DRC11: variants seen among roughly 807,000 people sequenced by gnomAD.
DRC11 encodes dynein regulatory complex subunit 11.
chr2:236,489,883 C>T, the DRC11 span, among the ~76,000 whole-genome samples: 3 of 152,296 alleles, frequency 2.0e-5, no homozygotes, highest in African/African-American at 7.2e-5. Flanking sequence ...TATGATCATG[C>T]CACTGCATTG....
the DRC11 span, chr2:236,392,238 C>G: frequency 6.4e-7 from 1 of 1,556,214 alleles, no homozygotes; most frequent in Non-Finnish European, 8.8e-7. The surrounding 1 kb of genome is among the most constrained non-coding windows in gnomAD (Gnocchi z 5.1). Flanking sequence ...ATAAACGTAG[C>G]TGTACCTGTA....
chr2:236,342,779 G>C, the DRC11 span, among the ~76,000 whole-genome samples: 7 of 152,178 alleles, frequency 4.6e-5, no homozygotes, highest in African/African-American at 1.7e-4. The surrounding 1 kb of genome is among the most constrained non-coding windows in gnomAD (Gnocchi z 5.8). Flanking sequence ...GTCTGGGGTG[G>C]CTCAGGTCCC....
chr2:236,491,171 A>ATATACAG, the DRC11 span, among the ~76,000 whole-genome samples: 8 of 80,038 alleles, frequency 1.0e-4, no homozygotes, highest in South Asian at 3.3e-4. Flanking sequence ...ATATATATAT[A>ATATACAG]TATATATATA....
chr2:236,459,651 ATG>A, the DRC11 span, among the ~76,000 whole-genome samples: 2 of 133,492 alleles, frequency 1.5e-5, no homozygotes, highest in Admixed American at 7.4e-5. Context: ...ATACGTATAT[ATG>A]TATATACATA....
the DRC11 span, among the ~76,000 whole-genome samples, chr2:236,319,221 A>G: frequency 6.6e-6 from 1 of 152,220 alleles, no homozygotes; most frequent in African/African-American, 2.4e-5. This position sits in a 1 kb window ranked among gnomAD's most constrained non-coding sequence, Gnocchi z 6.7. Flanking sequence ...CTCAGCAGTA[A>G]TTGAACAGCA....
chr2:236,503,074 T>C, the DRC11 span, among the ~76,000 whole-genome samples: 1 of 151,908 alleles, frequency 6.6e-6, no homozygotes, highest in Non-Finnish European at 1.5e-5. This position sits in a 1 kb window ranked among gnomAD's most constrained non-coding sequence, Gnocchi z 4.9. Flanking sequence ...AGTAATAACT[T>C]TTAAATATGG....
the DRC11 span, among the ~76,000 whole-genome samples, chr2:236,322,621 C>T: frequency 3.3e-5 from 5 of 152,086 alleles, no homozygotes; most frequent in Admixed American, 3.3e-4. Flanking sequence ...GGAAGCCATC[C>T]TTTGGGAAAA....
chr2:236,316,175 C>CTCTG, the DRC11 span, among the ~76,000 whole-genome samples: 1 of 147,536 alleles, frequency 6.8e-6, no homozygotes, highest in Non-Finnish European at 1.5e-5. This position sits in a 1 kb window ranked among gnomAD's most constrained non-coding sequence, Gnocchi z 6.8. Context: ...CTCTCTCTCT[C>CTCTG]TTTTTGAGAT....
At chr2:236,349,685 G>C in the DRC11 span, among the ~76,000 whole-genome samples, 1 of 152,206 alleles carries the variant, frequency 6.6e-6, no homozygotes, top group Non-Finnish European at 1.5e-5. The surrounding 1 kb of genome is among the most constrained non-coding windows in gnomAD (Gnocchi z 5.5). Flanking sequence ...AGAATGCATG[G>C]ACACGAAGAA....
chr2:236,415,675 T>C, the DRC11 span, among the ~76,000 whole-genome samples: 1 of 152,230 alleles, frequency 6.6e-6, no homozygotes, highest in Non-Finnish European at 1.5e-5. This position sits in a 1 kb window ranked among gnomAD's most constrained non-coding sequence, Gnocchi z 5.7. Context: ...TCATAAATGC[T>C]GATGTTCTTA....
the DRC11 span, among the ~76,000 whole-genome samples, chr2:236,384,807 G>A: frequency 6.6e-6 from 1 of 151,814 alleles, no homozygotes; most frequent in Non-Finnish European, 1.5e-5. Context: ...TAACGTTTAA[G>A]TCTTTAATCC....
the DRC11 span, among the ~76,000 whole-genome samples, chr2:236,436,333 T>C: frequency 2.6e-4 from 39 of 152,318 alleles, no homozygotes; most frequent in African/African-American, 8.7e-4. Flanking sequence ...TGTGATTTTT[T>C]TTGGCCATTT....
chr2:236,358,515 G>A, the DRC11 span, among the ~76,000 whole-genome samples: 1 of 144,690 alleles, frequency 6.9e-6, no homozygotes, highest in Non-Finnish European at 1.5e-5. Context: ...TTTCACAGGT[G>A]AAAGAAGTTA....
At chr2:236,342,952 C>T in the DRC11 span, among the ~76,000 whole-genome samples, 1 of 152,156 alleles carries the variant, frequency 6.6e-6, no homozygotes, top group African/African-American at 2.4e-5. This position sits in a 1 kb window ranked among gnomAD's most constrained non-coding sequence, Gnocchi z 5.8. Context: ...TCCAGTTCAT[C>T]CACAGCAAAG....
At chr2:236,478,499 T>C in the DRC11 span, among the ~76,000 whole-genome samples, 3 of 152,216 alleles carry the variant, frequency 2.0e-5, no homozygotes, top group African/African-American at 7.2e-5. This position sits in a 1 kb window ranked among gnomAD's most constrained non-coding sequence, Gnocchi z 5.9. Context: ...GAGCAAAATG[T>C]GTATTCTGCA....
chr2:236,319,965 C>G, the DRC11 span, among the ~76,000 whole-genome samples: 1 of 152,158 alleles, frequency 6.6e-6, no homozygotes, highest in Non-Finnish European at 1.5e-5. This position sits in a 1 kb window ranked among gnomAD's most constrained non-coding sequence, Gnocchi z 6.7. Flanking sequence ...TTAATGTGTC[C>G]TTCCCCCTCA....
the DRC11 span, among the ~76,000 whole-genome samples, chr2:236,322,110 T>C: frequency 3.9e-5 from 6 of 152,212 alleles, no homozygotes; most frequent in Middle Eastern, 3.4e-3. Flanking sequence ...AACCTTTAAA[T>C]ACTCTTGGTC....
the DRC11 span, among the ~76,000 whole-genome samples, chr2:236,482,143 T>C: frequency 6.6e-6 from 1 of 151,572 alleles, no homozygotes; most frequent in Non-Finnish European, 1.5e-5. This position sits in a 1 kb window ranked among gnomAD's most constrained non-coding sequence, Gnocchi z 4.5. Flanking sequence ...TTCTACATAT[T>C]ATATGTATAA....
the DRC11 span, among the ~76,000 whole-genome samples, chr2:236,340,030 A>C: frequency 6.6e-6 from 1 of 152,266 alleles, no homozygotes; most frequent in African/African-American, 2.4e-5. Flanking sequence ...ACCAATGAAT[A>C]CAAATGTCTT....
Sources: gnomAD v4.1 joint callset for allele counts (sites outside exome capture counted in the v4.1 genomes callset) on GRCh38, gnomAD v4.1.1 for gene constraint, Gnocchi (gnomAD v3.1) non-coding constraint, MANE v1.5 for transcripts, NCBI Gene and HGNC (gene_info 2026-07-23, HGNC 2026-07-21) for gene names.